The following TSC22D3 variants were observed in gnomAD, a reference collection of about 807,000 sequenced individuals.
TSC22D3 encodes the protein TSC22 domain family protein 3.
TSC22D3 carries 4 observed loss-of-function variants against 11.1 expected under a neutral mutation model. The observed-to-expected ratio is 0.36, with a 90% confidence interval of 0.18 to 0.83. The LOEUF is 0.83. Ranked by LOEUF, TSC22D3 falls within the 40% of genes least tolerant of loss-of-function variation. The probability of loss-of-function intolerance (pLI) is 0.48; values close to 1 mark genes in which losing one functional copy is unlikely to be tolerated. For missense variants in TSC22D3, 118 were observed against 159.4 expected (o/e 0.74, Z 1.40); for synonymous variants, 77 against 70.3 (o/e 1.10, Z -0.48).
chrX:107,760,387 C>T (rs997560352), intron 1 of TSC22D3, among the ~76,000 whole-genome samples: 1 of 112,809 alleles, frequency 8.9e-6, no homozygotes, highest in Non-Finnish European at 1.9e-5. Flanking sequence ...GCTGCACAGC[C>T]GTCTAGAGAC....
intron 1 of TSC22D3, among the ~76,000 whole-genome samples, chrX:107,735,698 C>T (rs1461896172): frequency 9.1e-6 from 1 of 109,555 alleles, no homozygotes; most frequent in East Asian, 2.9e-4. Context: ...TTTTTCCTTC[C>T]CCTTCTCCTT....
intron 1 of TSC22D3, among the ~76,000 whole-genome samples, chrX:107,767,605 T>C (rs1343518238): frequency 1.8e-5 from 2 of 112,397 alleles, no homozygotes; most frequent in Admixed American, 9.4e-5. Context: ...GATCGCATCT[T>C]AGCCCCACTC....
Position 107,715,941 on chromosome X carries a change from T to A in TSC22D3, c.330A>T (p.Gly110=). 3 of 1,210,996 alleles carry A rather than the reference T, an allele frequency of 2.5e-6. No individual in the cohort carries two copies. The highest frequency in any genetic ancestry group is 3.4e-6 in the Non-Finnish European group (3 of 895,329). The change falls in exon 2 of 3, where the codon GGA becomes GGT. Residue 110 remains glycine (G), a synonymous_variant. Coordinates refer to ENST00000372383, the MANE Select transcript of TSC22D3 (RefSeq NM_198057.3). The part of the protein sequence containing the change: ...SILLFFHSAS[G]ASVVAIDNKI... ...TGTTGTCTATGGCCACCACGCTGGC[T>A]CCGGAGGCACTGCCAAGACAAAAAG...
At chrX:107,717,006 C>A in intron 1 of TSC22D3, 1 of 1,029,369 alleles carries the variant, frequency 9.7e-7, no homozygotes, top group Non-Finnish European at 1.2e-6. Flanking sequence ...GGAAGTGACT[C>A]GAGGGGTGTC....
intron 1 of TSC22D3, among the ~76,000 whole-genome samples, chrX:107,767,128 A>AC (rs747110518): frequency 8.5e-4 from 95 of 111,506 alleles, no homozygotes; most frequent in Admixed American, 5.8e-3. Context: ...TCCTGGCCAG[A>AC]CCCCTAAGCT....
At chrX:107,744,159 C>A (rs1256748031) in intron 1 of TSC22D3, among the ~76,000 whole-genome samples, 1 of 112,224 alleles carries the variant, frequency 8.9e-6, no homozygotes, top group Non-Finnish European at 1.9e-5. Context: ...AAGCCATGGG[C>A]CAGGGCTGAA....
intron 1 of TSC22D3, among the ~76,000 whole-genome samples, chrX:107,750,534 G>A (rs1602400961): frequency 9.0e-6 from 1 of 111,418 alleles, no homozygotes; most frequent in Middle Eastern, 4.2e-3. Context: ...ACAGGCAAGG[G>A]GCATTGGGCC....
At chrX:107,741,562 C>G (rs1001720168) in intron 1 of TSC22D3, among the ~76,000 whole-genome samples, 1 of 112,942 alleles carries the variant, frequency 8.9e-6, no homozygotes, top group Non-Finnish European at 1.9e-5. Flanking sequence ...GCACCCGCCT[C>G]CCACCATGGG....
chrX:107,773,134 A>G (rs1929976046), intron 1 of TSC22D3, among the ~76,000 whole-genome samples: 1 of 112,692 alleles, frequency 8.9e-6, no homozygotes. Context: ...GGCTTTGCCT[A>G]AAACCAAGAG....
intron 1 of TSC22D3, among the ~76,000 whole-genome samples, chrX:107,736,689 C>A (rs901254027): frequency 2.7e-5 from 3 of 110,927 alleles, no homozygotes; most frequent in African/African-American, 9.9e-5. Context: ...GGTCTGTGCT[C>A]GATTTTTATG....
At chrX:107,727,807 T>C (rs1927713103) in intron 1 of TSC22D3, among the ~76,000 whole-genome samples, 1 of 112,479 alleles carries the variant, frequency 8.9e-6, no homozygotes, top group East Asian at 2.8e-4. Flanking sequence ...GTTTGAGAAG[T>C]TGTTGTTAAA....
At chrX:107,728,793 G>T (rs1374037527) in intron 1 of TSC22D3, among the ~76,000 whole-genome samples, 1 of 112,404 alleles carries the variant, frequency 8.9e-6, no homozygotes, top group Non-Finnish European at 1.9e-5. Context: ...AAGGGGAATT[G>T]TTTAGTTTTT....
At chrX:107,740,827 T>C (rs1046152151) in intron 1 of TSC22D3, among the ~76,000 whole-genome samples, 2 of 110,590 alleles carry the variant, frequency 1.8e-5, no homozygotes, top group Admixed American at 9.6e-5. Flanking sequence ...AAGCTCAACA[T>C]GGCAACCTTG....
intron 1 of TSC22D3, among the ~76,000 whole-genome samples, chrX:107,733,817 G>A (rs1181076603): frequency 4.5e-5 from 5 of 111,921 alleles, no homozygotes; most frequent in Admixed American, 9.4e-5. Flanking sequence ...GGTTACTTGC[G>A]CTGGGGAAGA....
intron 1 of TSC22D3, 187 bp from the exon 2 acceptor site, chrX:107,716,137 C>T: frequency 1.6e-6 from 1 of 631,431 alleles, no homozygotes; most frequent in Non-Finnish European, 2.3e-6. Context: ...AGCTGCATCT[C>T]CTCATCCAGG....
intron 1 of TSC22D3, among the ~76,000 whole-genome samples, chrX:107,763,586 C>T (rs771099931): frequency 2.7e-5 from 3 of 111,661 alleles, no homozygotes; most frequent in Admixed American, 1.9e-4. Flanking sequence ...CACCTTGGGC[C>T]CCAGAAAGGA....
At chrX:107,731,402 C>G (rs904527261) in intron 1 of TSC22D3, among the ~76,000 whole-genome samples, 2 of 111,764 alleles carry the variant, frequency 1.8e-5, no homozygotes, top group Non-Finnish European at 3.8e-5. Flanking sequence ...TGGAAAAGTT[C>G]CAGAACCATT....
chrX:107,724,100 T>C (rs1417110962), intron 1 of TSC22D3, among the ~76,000 whole-genome samples: 1 of 112,667 alleles, frequency 8.9e-6, no homozygotes, highest in Non-Finnish European at 1.9e-5. Context: ...TTCTCAGTTG[T>C]GGGACTCTAT....
At chrX:107,741,573 C>T (rs1223743436) in intron 1 of TSC22D3, among the ~76,000 whole-genome samples, 1 of 112,962 alleles carries the variant, frequency 8.9e-6, no homozygotes, top group Non-Finnish European at 1.9e-5. Flanking sequence ...CCACCATGGG[C>T]GAAAGGAGGC....
Sources: gnomAD v4.1 joint callset for allele counts (sites outside exome capture counted in the v4.1 genomes callset) on GRCh38, gnomAD v4.1.1 for gene constraint, MANE v1.5 for transcripts, NCBI Gene and HGNC (gene_info 2026-07-23, HGNC 2026-07-21) for gene names.